Variants in TEX14 observed in about 807,000 individuals in gnomAD.
The protein encoded by TEX14 is inactive serine/threonine-protein kinase TEX14.
Under a neutral mutation model 178.6 loss-of-function variants are expected in TEX14, and 168 were observed. The ratio of observed to expected loss-of-function variants is 0.94; its 90% CI spans 0.83 to 1.07. The LOEUF is 1.07. TEX14 is among the 50% of genes least tolerant of loss of function. TEX14 has a pLI of 0.00. For missense variants in TEX14, 1,730 were observed against 1,753.6 expected, an observed-to-expected ratio of 0.99 and a Z score of 0.24; for synonymous variants, 626 against 634.1, an observed-to-expected ratio of 0.99 and a Z score of 0.19.
intron 10 of TEX14, among the ~76,000 whole-genome samples, chr17:58,610,190 C>G (rs1333613429): frequency 2.0e-5 from 3 of 152,246 alleles, no homozygotes; most frequent in African/African-American, 7.2e-5. Flanking sequence ...CTGTGCTGAG[C>G]CCCTTGAGGG....
At chr17:58,674,281 A>C (rs1347259104) in intron 1 of TEX14, among the ~76,000 whole-genome samples, 1 of 151,460 alleles carries the variant, frequency 6.6e-6, no homozygotes, top group Non-Finnish European at 1.5e-5. Context: ...GTCTCAAAAA[A>C]AAAAAAGGAA....
chr17:58,662,452 C>G (rs1027192017), intron 1 of TEX14, among the ~76,000 whole-genome samples: 3 of 147,028 alleles, frequency 2.0e-5, no homozygotes, highest in Non-Finnish European at 3.0e-5. Flanking sequence ...CACACACACA[C>G]AGAATCAAAC....
At chr17:58,663,669 T>C (rs112460749) in intron 1 of TEX14, among the ~76,000 whole-genome samples, 1 of 152,042 alleles carries the variant, frequency 6.6e-6, no homozygotes, top group African/African-American at 2.4e-5. Flanking sequence ...GGTTTCACCA[T>C]GTTGGCCAGG....
At chr17:58,621,598 G>T in intron 5 of TEX14, 52 bp downstream of exon 5, 2 of 1,549,596 alleles carry the variant, frequency 1.3e-6, no homozygotes, top group South Asian at 2.4e-5. Flanking sequence ...GGGCTCCCAC[G>T]AGGAAGGCTG....
rs1372211165 is a variant in TEX14, at chr17:58,670,771, TTAAAAAAA to T, written c.-1-18777_-1-18770del. Among the ~76,000 whole-genome samples, 60 of 7,950 alleles carry T rather than the reference TTAAAAAAA, an allele frequency of 7.5e-3. 1 individual carries two copies. Among genetic ancestry groups the T allele is most frequent in the African/African-American group, 0.023 (49 of 2,176 alleles). The allele number at this position is 7,950 out of a possible 152,430, so 5.2% of individuals were successfully genotyped here. A position where few individuals can be genotyped will look rare whatever the true frequency, so the allele number is the denominator to read the frequency against. On this transcript the variant is annotated intron_variant, in intron 1 of 31. Coordinates refer to ENST00000349033, the MANE Select transcript of TEX14 (RefSeq NM_031272.5). ...CTGGGCGACAGAGTGAGACTCCCTC[TTAAAAAAA>T]AAAAAAAAAAAAAAAAAAAAAGTGA...
At chr17:58,633,968 GAAA>G (rs34378655) in intron 2 of TEX14, among the ~76,000 whole-genome samples, 5 of 112,512 alleles carry the variant, frequency 4.4e-5, no homozygotes, top group Non-Finnish European at 5.3e-5. Context: ...CTCTGTCTCC[GAAA>G]AAAAAAAAAA....
rs1156656833 is a variant in TEX14 at position 58,604,964 on chromosome 17, T to C, written c.1336+14A>G. On this transcript the variant is annotated intron_variant, in intron 11 of 31. Transcript: ENST00000349033. ...AATAGGGACTTTGGTCAACCATTAA[T>C]GATCTTGATCTACCTGTTAAAATCT... 7 of 1,613,406 alleles carry C rather than the reference T, an allele frequency of 4.3e-6. No homozygotes were observed. The Admixed American group carries it at 6.7e-5, about 15-fold the overall frequency.
chr17:58,627,626 C>T (rs1327282683), intron 3 of TEX14, among the ~76,000 whole-genome samples: 2 of 151,860 alleles, frequency 1.3e-5, no homozygotes, highest in African/African-American at 2.4e-5. Flanking sequence ...CAAAATTAGC[C>T]AGCTGTGGTG....
At chr17:58,575,238 C>T (rs148642801) in intron 21 of TEX14, among the ~76,000 whole-genome samples, 129 of 152,084 alleles carry the variant, frequency 8.5e-4, no homozygotes, top group Admixed American at 3.3e-3. Context: ...CCTCAGCCTC[C>T]CAAGTAGCTG....
intron 10 of TEX14, among the ~76,000 whole-genome samples, chr17:58,607,641 G>T (rs114060790): frequency 2.0e-5 from 3 of 152,200 alleles, no homozygotes; most frequent in Admixed American, 6.5e-5. Context: ...TTCGGGCTAG[G>T]ATTCACATTT....
At chr17:58,649,435 C>T (rs753941583) in intron 2 of TEX14, among the ~76,000 whole-genome samples, 1 of 152,112 alleles carries the variant, frequency 6.6e-6, no homozygotes, top group Non-Finnish European at 1.5e-5. Context: ...CTAACAAGCC[C>T]TCTATTAGAC....
At chr17:58,618,787 C>G (rs1248685420) in intron 5 of TEX14, among the ~76,000 whole-genome samples, 2 of 152,194 alleles carry the variant, frequency 1.3e-5, no homozygotes, top group Admixed American at 1.3e-4. Flanking sequence ...CCAAGCTGTC[C>G]CGTCTCTGCT....
At chr17:58,657,465 T>C (rs1020377727) in intron 1 of TEX14, among the ~76,000 whole-genome samples, 1 of 151,086 alleles carries the variant, frequency 6.6e-6, no homozygotes, top group Admixed American at 6.6e-5. Context: ...CTTTGTCATG[T>C]GTATATTATA....
chr17:58,620,320 T>C lies in TEX14; in HGVS notation c.554+1330A>G, dbSNP rs1441037432. ...GTGGTACAACCTGATTTCCATTATT[T>C]TAGTTTTATTTGATTACTTTATTTT... On this transcript the variant is annotated intron_variant, in intron 5 of 31. Transcript: ENST00000349033. Among the ~76,000 whole-genome samples, 4 of 152,048 alleles carry C rather than the reference T, an allele frequency of 2.6e-5. No individual in the cohort carries two copies. In the East Asian group the frequency reaches 7.7e-4, roughly 29 times the overall value.
rs201785257 is a variant in TEX14, at chr17:58,622,858, G to C, written c.406C>G (p.Arg136Gly). The change falls in exon 4 of 32, where the codon CGT (arginine) becomes GGT (glycine). Residue 136 changes from arginine to glycine, a missense_variant. Transcript: ENST00000349033. ...GGACCCACCCTTACCTGGGTGCTAC[G>C]CTCCTTTCCTGCTGTCAAAGCCCAA... ...KTWALTAGKE[R>G]STQIVEFMQR... The C allele has an allele frequency of 7.5e-6, 12 of 1,609,016 alleles. No individual in the cohort carries two copies. The highest frequency in any genetic ancestry group is 6.7e-5 in the East Asian group (3 of 44,762).
chr17:58,630,314 C>T, intron 3 of TEX14, 126 bp downstream of exon 3: 1 of 651,434 alleles, frequency 1.5e-6, no homozygotes, highest in Non-Finnish European at 2.7e-6. Context: ...CCTTGGCCTC[C>T]CAAAGTGCTG....
chr17:58,608,007 G>A (rs1421927816), intron 10 of TEX14, among the ~76,000 whole-genome samples: 6 of 152,194 alleles, frequency 3.9e-5, no homozygotes, highest in Non-Finnish European at 7.3e-5. Context: ...AGAAGGCTGG[G>A]TGTGGTGGCT....
chr17:58,605,564 C>T (rs2045587714), intron 10 of TEX14, among the ~76,000 whole-genome samples: 1 of 152,190 alleles, frequency 6.6e-6, no homozygotes, highest in South Asian at 2.1e-4. Flanking sequence ...TCCACCCGGG[C>T]CCTCTCCACC....
Position 58,619,311 on chromosome 17 carries a change from A to G in TEX14, c.555-1692T>C, listed in dbSNP as rs186701103. 3.3e-5 allele frequency among the ~76,000 whole-genome samples: 5 copies of G among 152,268 alleles called. No homozygotes were observed. In the East Asian group the frequency reaches 9.7e-4, roughly 29 times the overall value. On this transcript the variant is annotated intron_variant, in intron 5 of 31. Transcript: ENST00000349033. ...CTCTTACCTAAATTTCTCAGCACAC[A>G]TCTATATAACTCGGCTGGGTTAAGG...
Sources: gnomAD v4.1 joint callset for allele counts (sites outside exome capture counted in the v4.1 genomes callset) on GRCh38, gnomAD v4.1.1 for gene constraint, MANE v1.5 for transcripts, NCBI Gene and HGNC (gene_info 2026-07-23, HGNC 2026-07-21) for gene names.